Variants in SPAG16 observed in about 807,000 individuals in gnomAD.
SPAG16 encodes the protein sperm associated antigen 16, also known as sperm-associated antigen 16 protein.
In SPAG16, 86 loss-of-function variants were observed where a neutral mutation model predicts 80.4. The ratio of observed to expected loss-of-function variants is 1.07; its 90% CI spans 0.90 to 1.28. SPAG16 has a LOEUF of 1.28. Among genes scored for constraint, SPAG16 ranks in the 50% most tolerant of loss-of-function variants. The probability of loss-of-function intolerance (pLI) is 0.00; values close to 1 mark genes in which losing one functional copy is unlikely to be tolerated. For missense variants in SPAG16, 870 were observed against 765.3 expected (o/e 1.14, Z -1.61); for synonymous variants, 294 against 265.9 (o/e 1.11, Z -1.03).
chr2:213,403,584 A>G (rs1213965318), intron 9 of SPAG16, among the ~76,000 whole-genome samples: 1 of 152,152 alleles, frequency 6.6e-6, no homozygotes, highest in Non-Finnish European at 1.5e-5. Context: ...TCTATGACAA[A>G]CCCACAGCCA....
At chr2:214,166,729 G>A (rs2056671619) in intron 15 of SPAG16, among the ~76,000 whole-genome samples, 1 of 152,112 alleles carries the variant, frequency 6.6e-6, no homozygotes. Flanking sequence ...AAAAGGCCTG[G>A]CATGCTAACC....
chr2:214,331,102 C>A (rs1301752038), intron 15 of SPAG16, among the ~76,000 whole-genome samples: 1 of 152,144 alleles, frequency 6.6e-6, no homozygotes, highest in East Asian at 1.9e-4. Context: ...GGTGAAGTGA[C>A]CCAAATCCTA....
At chr2:213,871,564 C>T (rs894746932) in intron 11 of SPAG16, among the ~76,000 whole-genome samples, 10 of 151,868 alleles carry the variant, frequency 6.6e-5, no homozygotes, top group African/African-American at 2.2e-4. Flanking sequence ...ATAGGAAAGA[C>T]TTGAGAAGGG....
At chr2:213,929,880 C>A in intron 11 of SPAG16, 80 bp from the exon 12 acceptor site, 2 of 1,268,566 alleles carry the variant, frequency 1.6e-6, no homozygotes, top group South Asian at 1.4e-5. Flanking sequence ...CACATACACA[C>A]AAATTACTCA....
At chr2:213,363,312 A>G (rs2066095382) in intron 7 of SPAG16, among the ~76,000 whole-genome samples, 1 of 152,052 alleles carries the variant, frequency 6.6e-6, no homozygotes, top group Admixed American at 6.6e-5. Context: ...CTAGGAATAG[A>G]TAGTAATCTT....
chr2:213,558,836 G>A (rs1040671592), intron 10 of SPAG16, among the ~76,000 whole-genome samples: 11 of 152,066 alleles, frequency 7.2e-5, no homozygotes, highest in Non-Finnish European at 1.0e-4. Flanking sequence ...AAAATCATTC[G>A]TTTTATATTA....
chr2:214,012,228 ACT>A (rs1161854854), intron 12 of SPAG16, among the ~76,000 whole-genome samples: 1 of 138,424 alleles, frequency 7.2e-6, no homozygotes, highest in African/African-American at 2.7e-5. Flanking sequence ...GTATATATAT[ACT>A]TACTTATATA....
chr2:214,105,909 G>C (rs569842335), intron 13 of SPAG16, among the ~76,000 whole-genome samples: 1 of 151,964 alleles, frequency 6.6e-6, no homozygotes, highest in East Asian at 1.9e-4. Context: ...ATTTATCTTC[G>C]AGTCAGGTTT....
intron 10 of SPAG16, among the ~76,000 whole-genome samples, chr2:213,751,249 T>G (rs1393218111): frequency 6.6e-6 from 1 of 152,266 alleles, no homozygotes; most frequent in East Asian, 1.9e-4. Context: ...ATTTAAAACC[T>G]GGTCATAACC....
intron 12 of SPAG16, among the ~76,000 whole-genome samples, chr2:213,969,980 A>G (rs2044934738): frequency 6.6e-6 from 1 of 152,202 alleles, no homozygotes; most frequent in East Asian, 1.9e-4. Flanking sequence ...GGAGCCTGGA[A>G]AGTCTAAGAT....
intron 15 of SPAG16, among the ~76,000 whole-genome samples, chr2:214,286,773 TA>T (rs1027656411): frequency 2.0e-5 from 3 of 151,920 alleles, no homozygotes. Context: ...ATAAATAAAA[TA>T]AAAAATAACA....
At chr2:213,822,884 TG>T (rs1559497047) in intron 10 of SPAG16, among the ~76,000 whole-genome samples, 2 of 152,224 alleles carry the variant, frequency 1.3e-5, no homozygotes. Flanking sequence ...GCTTCATCCA[TG>T]TCCCTGCAAA....
chr2:213,335,787 T>C (rs1284100288), intron 5 of SPAG16, among the ~76,000 whole-genome samples: 1 of 152,096 alleles, frequency 6.6e-6, no homozygotes, highest in Non-Finnish European at 1.5e-5. Flanking sequence ...CACCTGAACA[T>C]TGTTTATTTA....
chr2:213,400,123 A>T (rs764719785), intron 9 of SPAG16, among the ~76,000 whole-genome samples: 1 of 151,840 alleles, frequency 6.6e-6, no homozygotes, highest in Non-Finnish European at 1.5e-5. Context: ...TTTTATAATC[A>T]TTATGTTTAG....
intron 15 of SPAG16, among the ~76,000 whole-genome samples, chr2:214,341,549 T>G (rs1229570347): frequency 6.6e-6 from 1 of 152,144 alleles, no homozygotes; most frequent in African/African-American, 2.4e-5. Context: ...AAAAATGACT[T>G]GCAAAGGAAT....
intron 10 of SPAG16, among the ~76,000 whole-genome samples, chr2:213,744,766 T>C (rs572825946): frequency 6.6e-6 from 1 of 152,226 alleles, no homozygotes; most frequent in Non-Finnish European, 1.5e-5. Context: ...CATTTCACAC[T>C]GCAACTGGAT....
chr2:214,216,425 G>A (rs1029831562), intron 15 of SPAG16, among the ~76,000 whole-genome samples: 3 of 152,120 alleles, frequency 2.0e-5, no homozygotes, highest in African/African-American at 2.4e-5. Flanking sequence ...AGGATCCAGC[G>A]ATTCCCCTGC....
At chr2:213,541,513 G>A (rs1363096717) in intron 10 of SPAG16, among the ~76,000 whole-genome samples, 1 of 152,148 alleles carries the variant, frequency 6.6e-6, no homozygotes, top group Non-Finnish European at 1.5e-5. Context: ...CAAGCTCCTT[G>A]GGAGGCTGAG....
At chr2:214,200,320 C>CT (rs1453301397) in intron 15 of SPAG16, among the ~76,000 whole-genome samples, 1 of 152,098 alleles carries the variant, frequency 6.6e-6, no homozygotes, top group Non-Finnish European at 1.5e-5. Context: ...CAATCAACTA[C>CT]TTTTTTACAT....
Sources: allele counts gnomAD v4.1 joint callset (sites outside exome capture counted in the v4.1 genomes callset), GRCh38; gene constraint gnomAD v4.1.1; transcripts MANE v1.5; gene names NCBI Gene and HGNC (gene_info 2026-07-23, HGNC 2026-07-21).